Variants in WHRN observed in about 807,000 individuals in gnomAD.
WHRN encodes the protein CASK-interacting protein CIP98.
A neutral mutation model predicts 68.3 loss-of-function variants in WHRN; 41 were observed. That is an observed-to-expected ratio of 0.60 (90% CI 0.47 to 0.78). The LOEUF (loss-of-function observed/expected upper bound fraction) is 0.78. Ranked by LOEUF, WHRN falls within the 30% of genes least tolerant of loss-of-function variation. The pLI is 0.00. For synonymous variants in WHRN, 560 were observed against 561.3 expected (o/e 1.00, Z 0.03); for missense variants, 1,243 against 1,244.7 (o/e 1.00, Z 0.02).
intron 3 of WHRN, among the ~76,000 whole-genome samples, chr9:114,436,710 T>A (rs986191144): frequency 1.3e-5 from 2 of 151,936 alleles, no homozygotes; most frequent in Admixed American, 1.3e-4. Context: ...GCACCTGTAA[T>A]CCCAGCTACT....
intron 7 of WHRN, among the ~76,000 whole-genome samples, chr9:114,418,230 G>A (rs1835970614): frequency 6.6e-6 from 1 of 152,106 alleles, no homozygotes; most frequent in Non-Finnish European, 1.5e-5. Flanking sequence ...TGAGCAAAAG[G>A]CAGTCGCTCC....
At chr9:114,446,854 A>T (rs1363208712) in intron 3 of WHRN, among the ~76,000 whole-genome samples, 2 of 152,000 alleles carry the variant, frequency 1.3e-5, no homozygotes, top group African/African-American at 4.8e-5. Flanking sequence ...GCCAGCCAGG[A>T]GCTCTTGGAA....
At chr9:114,418,872 C>G (rs1419170837) in intron 7 of WHRN, among the ~76,000 whole-genome samples, 1 of 152,200 alleles carries the variant, frequency 6.6e-6, no homozygotes, top group Non-Finnish European at 1.5e-5. Context: ...TTTCAGTTAT[C>G]TATATCCTGT....
intron 3 of WHRN, among the ~76,000 whole-genome samples, chr9:114,446,394 G>T (rs1227753278): frequency 1.3e-5 from 2 of 152,080 alleles, no homozygotes; most frequent in African/African-American, 4.8e-5. Flanking sequence ...TTTTTCAGGG[G>T]TGATAAAAAT....
chr9:114,498,199 C>T (rs1843624744), intron 1 of WHRN, among the ~76,000 whole-genome samples: 1 of 152,164 alleles, frequency 6.6e-6, no homozygotes, highest in South Asian at 2.1e-4. Flanking sequence ...CGTGAATAAG[C>T]AAGGCAGATC....
chr9:114,471,208 T>G (rs896954202), intron 2 of WHRN, among the ~76,000 whole-genome samples: 5 of 152,060 alleles, frequency 3.3e-5, no homozygotes, highest in South Asian at 2.1e-4. Flanking sequence ...GCTAATAATA[T>G]TAATAGAATA....
chr9:114,406,879 G>A lies in WHRN; in HGVS notation c.1712C>T (p.Ser571Phe), dbSNP rs200908854. 4 of 1,577,958 alleles carry A rather than the reference G, an allele frequency of 2.5e-6. No homozygotes were observed. Among genetic ancestry groups the A allele is most frequent in the Non-Finnish European group, 3.4e-6 (4 of 1,162,106 alleles). ...LPDVSVDDVR[S>F]TSQGLSSFKP... ...GAAGCTTGACAGCCCCTGGGAGGTGGATCTGACATCATCCTGCCAAAAGAC... is the reference window on the plus strand; with the variant it reads ...GAAGCTTGACAGCCCCTGGGAGGTGAATCTGACATCATCCTGCCAAAAGAC... The change falls in exon 9 of 12, where the codon TCC becomes TTC. Residue 571 changes from serine to phenylalanine, a missense_variant. By Grantham distance (155) the Ser-to-Phe change is radical. Transcript: ENST00000362057.
intron 8 of WHRN, among the ~76,000 whole-genome samples, chr9:114,407,408 A>T (rs1038229043): frequency 4.6e-5 from 7 of 152,146 alleles, no homozygotes; most frequent in African/African-American, 1.7e-4. Context: ...TCTACCCAGC[A>T]GAGGTGGTGT....
At chr9:114,405,329 G>A (rs992492749) in intron 9 of WHRN, among the ~76,000 whole-genome samples, 3 of 151,992 alleles carry the variant, frequency 2.0e-5, no homozygotes, top group East Asian at 1.9e-4. Context: ...GCCCGTCTCC[G>A]CCTCCCAAAG....
chr9:114,472,781 C>T (rs955637010), intron 2 of WHRN, among the ~76,000 whole-genome samples: 9 of 152,098 alleles, frequency 5.9e-5, no homozygotes, highest in Admixed American at 2.0e-4. Context: ...TAGTAACTGA[C>T]GGTTGTTGCT....
In WHRN at chr9:114,481,780, G is replaced by C. The variant is rs143928440; in HGVS notation, c.619-3009C>G. ...TGCCAAGCCTAGAGGAGACAAAGTG[G>C]GTCTATCCTCATGACAGGCTGCAGC... On this transcript the variant is annotated intron_variant, in intron 1 of 11. Coordinates refer to ENST00000362057, the MANE Select transcript of WHRN (RefSeq NM_015404.4). 9.9e-4 allele frequency among the ~76,000 whole-genome samples: 151 copies of C among 152,314 alleles called. 1 individual carries two copies. The highest frequency in any genetic ancestry group is 6.8e-3 in the Middle Eastern group (2 of 294).
intron 10 of WHRN, among the ~76,000 whole-genome samples, chr9:114,403,615 CT>C (rs1284652576): frequency 1.3e-5 from 2 of 152,250 alleles, no homozygotes; most frequent in African/African-American, 4.8e-5. Context: ...CGAAGACTGT[CT>C]CAGCCACCTG....
chr9:114,472,495 G>A (rs1215923510), intron 2 of WHRN, among the ~76,000 whole-genome samples: 11 of 152,094 alleles, frequency 7.2e-5, no homozygotes, highest in Admixed American at 4.6e-4. Context: ...TAGTGAGGCC[G>A]TCCCTGCCCC....
At chr9:114,469,557 A>G (rs1055625665) in intron 2 of WHRN, among the ~76,000 whole-genome samples, 1 of 152,286 alleles carries the variant, frequency 6.6e-6, no homozygotes, top group Non-Finnish European at 1.5e-5. Flanking sequence ...CTAGTGGCTG[A>G]TGGCGGTGGG....
At chr9:114,480,481 A>AAGAG (rs57662659) in intron 1 of WHRN, among the ~76,000 whole-genome samples, 84,815 of 151,248 alleles carry the variant, frequency 0.56, 25,081 homozygotes, top group African/African-American at 0.76. Flanking sequence ...GCTTTGTAGG[A>AAGAG]AGAGAGAGTT....
At position 114,466,316 on chromosome 9, in the gene WHRN, T is replaced by C. The variant is rs1589199689; in HGVS notation, c.914A>G (p.Tyr305Cys). ...RGGAEYGLGI[Y>C]ITGVDPGSEA... ...AGAGCCTGGGTCCACGCCAGTGATG[T>C]AAATGCCAAGGCCGTACTCAGCTCC... Residue 305 changes from tyrosine (Y) to cysteine (C), a missense_variant, in exon 3 of 12, where the codon TAC becomes TGC. By Grantham distance (194) the Tyr-to-Cys change is radical. Transcript: ENST00000362057. 1 of 1,614,108 alleles carries C rather than the reference T, an allele frequency of 6.2e-7. No homozygotes were observed. The highest frequency in any genetic ancestry group is 1.1e-5 in the South Asian group (1 of 91,086).
chr9:114,417,446 T>C (rs746892425), intron 7 of WHRN, among the ~76,000 whole-genome samples: 2 of 152,242 alleles, frequency 1.3e-5, no homozygotes, highest in Non-Finnish European at 2.9e-5. Flanking sequence ...AAGATAATCC[T>C]GCAAGTGGCC....
chr9:114,487,889 G>A (rs1207665697), intron 1 of WHRN, among the ~76,000 whole-genome samples: 1 of 144,330 alleles, frequency 6.9e-6, no homozygotes, highest in Non-Finnish European at 1.5e-5. Context: ...CACTCTGGTG[G>A]AGAGATCCAC....
chr9:114,475,288 G>A lies in WHRN; in HGVS notation c.837+3265C>T, dbSNP rs796353286. On this transcript the variant is annotated intron_variant, in intron 2 of 11. Transcript: ENST00000362057. ...CCATGACAAATTGATTCTAGTTTAT[G>A]AGAGCTATAGAGGCTGCGGGTTAGA... Among the ~76,000 whole-genome samples the A allele has an allele frequency of 2.2e-4, 34 of 152,252 alleles. 1 individual carries two copies. The highest frequency in any genetic ancestry group is 8.2e-4 in the African/African-American group (34 of 41,544).
Sources: gnomAD v4.1 joint callset for allele counts (sites outside exome capture counted in the v4.1 genomes callset) on GRCh38, gnomAD v4.1.1 for gene constraint, MANE v1.5 for transcripts, NCBI Gene and HGNC (gene_info 2026-07-23, HGNC 2026-07-21) for gene names.